The following ADAMTS16 variants were observed in gnomAD, a reference collection of about 807,000 sequenced individuals.
The protein encoded by ADAMTS16 is A disintegrin and metalloproteinase with thrombospondin motifs 16.
In ADAMTS16, 94 loss-of-function variants were observed where a neutral mutation model predicts 145.8. That is an observed-to-expected ratio of 0.64 (90% CI 0.55 to 0.77). ADAMTS16 has a LOEUF of 0.77. Ranked by LOEUF, ADAMTS16 falls within the 30% of genes least tolerant of loss-of-function variation. The pLI, the probability that ADAMTS16 is intolerant of heterozygous loss-of-function variation, is 0.00. For missense variants in ADAMTS16, 1,585 were observed against 1,591.5 expected (o/e 1.00, Z 0.07); for synonymous variants, 659 against 604.3 (o/e 1.09, Z -1.33).
intron 9 of ADAMTS16, among the ~76,000 whole-genome samples, chr5:5,206,140 C>A (rs1736101114): frequency 6.6e-6 from 1 of 152,016 alleles, no homozygotes; most frequent in Non-Finnish European, 1.5e-5. Flanking sequence ...ATAAGATCTG[C>A]CTTTGGCCGG....
intron 12 of ADAMTS16, among the ~76,000 whole-genome samples, chr5:5,232,807 T>C (rs1169103265): frequency 1.2e-4 from 18 of 151,938 alleles, no homozygotes; most frequent in Admixed American, 9.8e-4. Flanking sequence ...TTTACCATGT[T>C]GGTCAGGCTG....
intron 4 of ADAMTS16, among the ~76,000 whole-genome samples, chr5:5,182,864 G>T (rs571028876): frequency 1.3e-5 from 2 of 152,152 alleles, no homozygotes; most frequent in Non-Finnish European, 2.9e-5. Flanking sequence ...AAGAATTGAA[G>T]TTGGGTGCTT....
chr5:5,308,514 GAGGGAGCACCCTCCC>G (rs1215346399), intron 21 of ADAMTS16, among the ~76,000 whole-genome samples: 11 of 152,164 alleles, frequency 7.2e-5, no homozygotes, highest in Admixed American at 6.5e-4. Context: ...TCCCAAGGAG[GAGGGAGCACCCTCCC>G]AGGGAGCACC....
In ADAMTS16 at chr5:5,303,919, G is replaced by T. The variant is rs138943409; in HGVS notation, c.3186+153G>T. The T allele has an allele frequency of 1.5e-3, 1,327 of 873,790 alleles. 17 individuals are homozygous for T. The African/African-American group carries it at 0.02, about 13-fold the overall frequency. 54.1% of individuals were successfully genotyped at this position (873,790 alleles called of 1,614,324 possible). On this transcript the variant is annotated intron_variant, in intron 20 of 22. Coordinates refer to ENST00000274181, the MANE Select transcript of ADAMTS16 (RefSeq NM_139056.4). The stretch of plus-strand genomic sequence containing the variant: ...CCTTCTCAGCTTCCAACAACTTCAT[G>T]GGGTTGCTTAATCTCCTTTGGCTTC...
At position 5,186,139 on chromosome 5, in the gene ADAMTS16, C is replaced by A. The variant is rs190796529; in HGVS notation, c.851C>A (p.Ser284Tyr). The A allele has an allele frequency of 1.2e-3, 1,928 of 1,614,048 alleles. 6 individuals carry two copies. The highest frequency in any genetic ancestry group is 8.7e-3 in the Middle Eastern group (53 of 6,062). Residue 284 changes from serine (S) to tyrosine (Y), a missense_variant, in exon 5 of 23, where the codon TCC becomes TAC. By Grantham distance (144) the Ser-to-Tyr change is moderately radical (BLOSUM62 -2). Transcript: ENST00000274181. ...CGGCATAAGCGCTCTCTTCTGAGGT[C>A]CCATAGAAATGAAGAACTGAACGTG... Reference protein sequence around the residue: ...CLRHKRSLLRSHRNEELNVET... With the variant: ...CLRHKRSLLRYHRNEELNVET...
intron 7 of ADAMTS16, among the ~76,000 whole-genome samples, chr5:5,190,664 T>C (rs1437875671): frequency 6.6e-6 from 1 of 152,148 alleles, no homozygotes; most frequent in Non-Finnish European, 1.5e-5. Context: ...GCTGAACATG[T>C]CTTCTAACTC....
intron 3 of ADAMTS16, among the ~76,000 whole-genome samples, chr5:5,151,251 T>C (rs1734448000): frequency 6.8e-6 from 1 of 147,424 alleles, no homozygotes; most frequent in Admixed American, 6.7e-5. Flanking sequence ...TATTTATTTA[T>C]TTATTGAGCT....
At chr5:5,195,949 G>C in intron 8 of ADAMTS16, among the ~76,000 whole-genome samples, 1 of 152,192 alleles carries the variant, frequency 6.6e-6, no homozygotes, top group Middle Eastern at 3.4e-3. Context: ...GCATTGGGCC[G>C]TGTGTGGTGG....
intron 18 of ADAMTS16, among the ~76,000 whole-genome samples, chr5:5,272,072 C>G (rs1579364413): frequency 1.3e-5 from 2 of 152,204 alleles, no homozygotes; most frequent in South Asian, 2.1e-4. Context: ...TATCTCTTTT[C>G]GATCTGAGGC....
chr5:5,212,266 G>A (rs1401106910), intron 10 of ADAMTS16, among the ~76,000 whole-genome samples: 1 of 140,600 alleles, frequency 7.1e-6, no homozygotes, highest in African/African-American at 2.5e-5. Flanking sequence ...GGAGTGCAGT[G>A]GCACGATCTT....
intron 10 of ADAMTS16, among the ~76,000 whole-genome samples, chr5:5,220,597 CCATTGT>C (rs1449980803): frequency 2.7e-4 from 41 of 152,130 alleles, no homozygotes; most frequent in Non-Finnish European, 4.4e-5. Flanking sequence ...GAGACCTGTG[CCATTGT>C]CTCCTCAAGC....
intron 16 of ADAMTS16, among the ~76,000 whole-genome samples, chr5:5,240,460 C>T (rs1169486767): frequency 6.6e-6 from 1 of 152,208 alleles, no homozygotes; most frequent in African/African-American, 2.4e-5. Context: ...AATGCAGAGG[C>T]TCACAAAATA....
intron 17 of ADAMTS16, among the ~76,000 whole-genome samples, chr5:5,246,593 C>T (rs1288702618): frequency 6.6e-6 from 1 of 152,154 alleles, no homozygotes; most frequent in East Asian, 1.9e-4. Context: ...CTTAAAGCCA[C>T]CTGAGGAAAT....
At chr5:5,187,574 G>A (rs762773194) in intron 5 of ADAMTS16, 151 bp from the exon 6 acceptor site, 14 of 646,800 alleles carry the variant, frequency 2.2e-5, no homozygotes, top group Non-Finnish European at 3.9e-5. Context: ...TTTTTACCGT[G>A]ATATGATTAA....
chr5:5,150,539 G>A (rs749201584), intron 3 of ADAMTS16, among the ~76,000 whole-genome samples: 2 of 152,174 alleles, frequency 1.3e-5, no homozygotes, highest in South Asian at 4.1e-4. Context: ...TTTTATACCC[G>A]GGCACATGAC....
intron 3 of ADAMTS16, among the ~76,000 whole-genome samples, chr5:5,168,785 A>C (rs1734969565): frequency 6.9e-6 from 1 of 144,626 alleles, no homozygotes; most frequent in South Asian, 2.1e-4. Flanking sequence ...TATTATAGAT[A>C]GAGCCCTTAT....
chr5:5,203,058 G>T (rs1243615425), intron 9 of ADAMTS16, among the ~76,000 whole-genome samples: 1 of 152,142 alleles, frequency 6.6e-6, no homozygotes, highest in African/African-American at 2.4e-5. Flanking sequence ...GTTTTTGTGT[G>T]CATCCAGCAA....
chr5:5,262,217 G>C (rs1366324023), intron 17 of ADAMTS16, among the ~76,000 whole-genome samples: 2 of 152,160 alleles, frequency 1.3e-5, no homozygotes, highest in African/African-American at 4.8e-5. Flanking sequence ...TTGTTAGTTT[G>C]TTGTCTATGT....
At chr5:5,249,990 A>C (rs914954277) in intron 17 of ADAMTS16, among the ~76,000 whole-genome samples, 1 of 152,104 alleles carries the variant, frequency 6.6e-6, no homozygotes, top group Non-Finnish European at 1.5e-5. Flanking sequence ...ACTCCTTTCC[A>C]ACCATAGTCT....
Sources: allele counts gnomAD v4.1 joint callset (sites outside exome capture counted in the v4.1 genomes callset), GRCh38; gene constraint gnomAD v4.1.1; transcripts MANE v1.5; gene names NCBI Gene and HGNC (gene_info 2026-07-23, HGNC 2026-07-21).